Variants in RPA1 observed in about 807,000 individuals in gnomAD.
The protein encoded by RPA1 is replication protein A1, also known as replication protein A 70 kDa DNA-binding subunit.
RPA1 carries 49 observed loss-of-function variants against 83.0 expected under a neutral mutation model. The ratio of observed to expected loss-of-function variants is 0.59; its 90% CI spans 0.47 to 0.75. The LOEUF (loss-of-function observed/expected upper bound fraction) is 0.75. Ranked by LOEUF, RPA1 falls within the 30% of genes least tolerant of loss-of-function variation. The pLI, the probability that RPA1 is intolerant of heterozygous loss-of-function variation, is 0.00. For missense variants in RPA1, 693 were observed against 776.1 expected (o/e 0.89, Z 1.27); for synonymous variants, 279 against 281.8 (o/e 0.99, Z 0.10).
intron 5 of RPA1, among the ~76,000 whole-genome samples, chr17:1,867,051 C>T (rs1413260224): frequency 6.6e-6 from 1 of 152,114 alleles, no homozygotes; most frequent in Non-Finnish European, 1.5e-5. Flanking sequence ...AGAACTGGAA[C>T]CTACTAGATA....
rs960070191 is a variant in RPA1, at chr17:1,842,821, G to T, written c.52G>T (p.Asp18Tyr). Residue 18 changes from aspartate to tyrosine, a missense_variant, in exon 2 of 17, where the codon GAT (aspartate) becomes TAT (tyrosine). Transcript: ENST00000254719. ...CCCTCAGGCCATCATGCAGAAGGGG[G>T]ATACAAACATAAAGCCCATCCTCCA... is the stretch of plus-strand genomic sequence containing the variant. The part of the protein sequence containing the change: ...GAIAAIMQKG[D>Y]TNIKPILQVI... 2 of 1,614,126 alleles carry T rather than the reference G, an allele frequency of 1.2e-6. No individual in the cohort carries two copies. Among genetic ancestry groups the T allele is most frequent in the Non-Finnish European group, 8.5e-7 (1 of 1,179,998 alleles).
rs1356286013 is a variant in RPA1, at chr17:1,839,954, AACT to A, written c.34-2845_34-2843del. On this transcript the variant is annotated intron_variant, in intron 1 of 16. Coordinates refer to ENST00000254719, the MANE Select transcript of RPA1 (RefSeq NM_002945.5). ...ACTATAGGCATGTGCCACCACACCC[AACT>A]ACTTTTTGTATTTTTTGTAGAGACG... is the stretch of plus-strand genomic sequence containing the variant. 3.3e-5 allele frequency among the ~76,000 whole-genome samples: 5 copies of A among 150,858 alleles called. No homozygotes were observed. The East Asian group carries it at 9.9e-4, about 30-fold the overall frequency.
chr17:1,882,513 G>GGCCTGTAGTCCCAGCTACTCGGTGCGT (rs774018843), intron 12 of RPA1, among the ~76,000 whole-genome samples: 4 of 151,960 alleles, frequency 2.6e-5, no homozygotes, highest in Non-Finnish European at 4.4e-5. Flanking sequence ...AAATCAGCCG[G>GGCCTGTAGTCCCAGCTACTCGGTGCGT]GCCTGTAGTC....
intron 5 of RPA1, among the ~76,000 whole-genome samples, chr17:1,868,520 C>T (rs1022733855): frequency 6.6e-6 from 1 of 152,142 alleles, no homozygotes; most frequent in Non-Finnish European, 1.5e-5. Flanking sequence ...CCTGTAATGC[C>T]AGCACTTTGG....
chr17:1,892,655 AAATG>A (rs1914248701), intron 15 of RPA1, among the ~76,000 whole-genome samples: 1 of 152,196 alleles, frequency 6.6e-6, no homozygotes, highest in African/African-American at 2.4e-5. Context: ...ATCCTGGTTA[AAATG>A]CACGTATGTC....
chr17:1,844,698 GT>G lies in RPA1; in HGVS notation c.272+19del, dbSNP rs772665458. On this transcript the variant is annotated intron_variant, in intron 4 of 16. Transcript: ENST00000254719. ...CTGAAAGACGGAAGGTATGTGCTGTGTTTTTTTCTGTCTTATTGTATCGTAG... is the reference window on the plus strand; with the variant it reads ...CTGAAAGACGGAAGGTATGTGCTGTGTTTTTTCTGTCTTATTGTATCGTAG... 1.3e-6 allele frequency: 2 copies of G among 1,588,072 alleles called. No homozygotes were observed. Among genetic ancestry groups the G allele is most frequent in the South Asian group, 1.1e-5 (1 of 89,606 alleles).
At chr17:1,887,723 A>G (rs905956725) in intron 13 of RPA1, among the ~76,000 whole-genome samples, 3 of 150,380 alleles carry the variant, frequency 2.0e-5, no homozygotes, top group African/African-American at 7.4e-5. Flanking sequence ...CCCCATCTCT[A>G]CTAAAAAATA....
Position 1,842,839 on chromosome 17 carries a change from A to G in RPA1, c.70A>G (p.Ile24Val). ...MQKGDTNIKP[I>V]LQVINIRPIT... ...GAAGGGGGATACAAACATAAAGCCC[A>G]TCCTCCAAGTCATCGTAAGTACCTG... Residue 24 changes from isoleucine to valine, a missense_variant, in exon 2 of 17, where the codon ATC becomes GTC. Transcript: ENST00000254719. The G allele has an allele frequency of 6.2e-7, 1 of 1,614,106 alleles. No individual in the cohort carries two copies. Among genetic ancestry groups the G allele is most frequent in the Non-Finnish European group, 8.5e-7 (1 of 1,179,988 alleles).
At position 1,842,836 on chromosome 17, in the gene RPA1, C is replaced by T. The variant is rs1448087108; in HGVS notation, c.67C>T (p.Pro23Ser). 4 of 1,613,964 alleles carry T rather than the reference C, an allele frequency of 2.5e-6. No homozygotes were observed. The African/African-American group carries it at 5.3e-5, about 22-fold the overall frequency. The change falls in exon 2 of 17, where the codon CCC becomes TCC. Residue 23 changes from proline to serine, a missense_variant. Transcript: ENST00000254719. The part of the protein sequence containing the change: ...IMQKGDTNIK[P>S]ILQVINIRPI... ...GCAGAAGGGGGATACAAACATAAAGCCCATCCTCCAAGTCATCGTAAGTAC... is the reference window on the plus strand; with the variant it reads ...GCAGAAGGGGGATACAAACATAAAGTCCATCCTCCAAGTCATCGTAAGTAC...
intron 5 of RPA1, among the ~76,000 whole-genome samples, chr17:1,868,299 G>A (rs1394890918): frequency 6.6e-6 from 1 of 152,170 alleles, no homozygotes; most frequent in East Asian, 1.9e-4. Flanking sequence ...ACCTCACGGG[G>A]CATTTCACCG....
chr17:1,847,388 G>T (rs1912302256), intron 4 of RPA1, among the ~76,000 whole-genome samples: 1 of 152,212 alleles, frequency 6.6e-6, no homozygotes, highest in Non-Finnish European at 1.5e-5. Flanking sequence ...GGGATTGAGT[G>T]CAGTCCTTGC....
chr17:1,843,250 G>A (rs1476666898), intron 2 of RPA1, among the ~76,000 whole-genome samples: 1 of 151,444 alleles, frequency 6.6e-6, no homozygotes, highest in Non-Finnish European at 1.5e-5. Flanking sequence ...TTATTTAAGG[G>A]GTTCTCAAAC....
intron 5 of RPA1, among the ~76,000 whole-genome samples, chr17:1,863,697 T>G (rs566126022): frequency 1.6e-3 from 245 of 152,338 alleles, no homozygotes; most frequent in Middle Eastern, 6.8e-3. Flanking sequence ...AGTTTTTCTA[T>G]GAAACATATC....
rs540187754 is a variant in RPA1, at chr17:1,867,192, G to A, written c.362-5242G>A. Among the ~76,000 whole-genome samples, 11 of 151,914 alleles carry A rather than the reference G, an allele frequency of 7.2e-5. No individual in the cohort carries two copies. In the East Asian group the frequency reaches 1.2e-3, roughly 16 times the overall value. ...GTAGTAACGTTTTGTTAAAATGAGCGAATTTGTTATCACATTCTCAGCTTT... is the reference window on the plus strand; with the variant it reads ...GTAGTAACGTTTTGTTAAAATGAGCAAATTTGTTATCACATTCTCAGCTTT... On this transcript the variant is annotated intron_variant, in intron 5 of 16. Coordinates refer to ENST00000254719, the MANE Select transcript of RPA1 (RefSeq NM_002945.5).
chr17:1,891,716 TG>T, intron 14 of RPA1, 116 bp from the exon 15 acceptor site: 1 of 672,096 alleles, frequency 1.5e-6, no homozygotes, highest in Non-Finnish European at 2.4e-6. Context: ...CCACTGCACC[TG>T]GCCCTCTCTG....
intron 1 of RPA1, among the ~76,000 whole-genome samples, chr17:1,832,067 T>G (rs955240785): frequency 6.6e-6 from 1 of 151,970 alleles, no homozygotes; most frequent in Non-Finnish European, 1.5e-5. Context: ...TAGCTGGGAT[T>G]ACAGGCATGT....
intron 5 of RPA1, chr17:1,872,224 T>C (rs773834385): frequency 1.8e-5 from 12 of 653,614 alleles, no homozygotes; most frequent in Non-Finnish European, 3.1e-5. Context: ...GAAAGGTAGA[T>C]GGAGCCAACC....
intron 4 of RPA1, among the ~76,000 whole-genome samples, chr17:1,846,530 C>T (rs1912264159): frequency 6.6e-6 from 1 of 151,974 alleles, no homozygotes; most frequent in Non-Finnish European, 1.5e-5. Flanking sequence ...CCATGTTAGC[C>T]AGGATGGTCT....
intron 5 of RPA1, chr17:1,872,114 A>G (rs1437614087): frequency 3.0e-6 from 1 of 335,786 alleles, no homozygotes; most frequent in Non-Finnish European, 5.7e-6. Flanking sequence ...AATGTCACAG[A>G]TTCAACCCAG....
Sources: gnomAD v4.1 joint callset for allele counts (sites outside exome capture counted in the v4.1 genomes callset) on GRCh38, gnomAD v4.1.1 for gene constraint, MANE v1.5 for transcripts, NCBI Gene and HGNC (gene_info 2026-07-23, HGNC 2026-07-21) for gene names.